MRPL13: variants seen among roughly 807,000 people sequenced by gnomAD.
The protein encoded by MRPL13 is large ribosomal subunit protein uL13m.
MRPL13 carries 33 observed loss-of-function variants against 29.0 expected under a neutral mutation model. That is an observed-to-expected ratio of 1.14 (90% CI 0.86 to 1.52). MRPL13 has a LOEUF of 1.52. Ranked by LOEUF, MRPL13 falls within the 40% of genes most tolerant of loss-of-function variation. The probability of loss-of-function intolerance (pLI) is 0.00; values close to 1 mark genes in which losing one functional copy is unlikely to be tolerated. For missense variants in MRPL13, 227 were observed against 216.7 expected, an observed-to-expected ratio of 1.05 and a Z score of -0.30; for synonymous variants, 77 against 68.4, an observed-to-expected ratio of 1.13 and a Z score of -0.62.
At chr8:120,433,916 C>G (rs1233345716) in intron 2 of MRPL13, among the ~76,000 whole-genome samples, 1 of 151,994 alleles carries the variant, frequency 6.6e-6, no homozygotes, top group African/African-American at 2.4e-5. Flanking sequence ...GTAAATAAAT[C>G]ATAGCTCTAG....
At chr8:120,406,894 TACA>T (rs1812674364) in intron 6 of MRPL13, among the ~76,000 whole-genome samples, 1 of 152,198 alleles carries the variant, frequency 6.6e-6, no homozygotes, top group African/African-American at 2.4e-5. Flanking sequence ...ACTGCCTTTA[TACA>T]AAGTAACTTT....
rs370236025 is a variant in MRPL13 at position 120,443,254 on chromosome 8, G to A, written c.82C>T (p.Pro28Ser). The change falls in exon 2 of 7, where the codon CCT becomes TCT. Residue 28 changes from proline to serine, a missense_variant. Pro to Ser is a moderately conservative substitution (Grantham distance 74). Coordinates refer to ENST00000306185, the MANE Select transcript of MRPL13 (RefSeq NM_014078.6). ...GATGCCATAGCAGCAAGTTTGCCAGGTGGCTGCATTTTCCCATCTAAGAGA... is the reference window on the plus strand; with the variant it reads ...GATGCCATAGCAGCAAGTTTGCCAGATGGCTGCATTTTCCCATCTAAGAGA... ...WYLLDGKMQP[P>S]GKLAAMASIR... 2.5e-6 allele frequency: 4 copies of A among 1,609,014 alleles called. No homozygotes were observed. Among genetic ancestry groups the A allele is most frequent in the Non-Finnish European group, 3.4e-6 (4 of 1,177,720 alleles).
intron 4 of MRPL13, among the ~76,000 whole-genome samples, chr8:120,420,741 C>G (rs1332304254): frequency 6.6e-6 from 1 of 151,658 alleles, no homozygotes; most frequent in African/African-American, 2.4e-5. Flanking sequence ...TTAAGACTAT[C>G]TTTTCTGGAT....
rs1812517867 is a variant in MRPL13, at chr8:120,395,955, A to T, written c.*149T>A. The T allele has an allele frequency of 3.3e-6, 2 of 600,224 alleles. No individual in the cohort carries two copies. The allele number at this position is 600,224 out of a possible 1,614,324, so 37.2% of individuals were successfully genotyped here. A position where few individuals can be genotyped will look rare whatever the true frequency, so the allele number is the denominator to read the frequency against. On this transcript the variant is annotated 3_prime_UTR_variant, in exon 7 of 7. Transcript: ENST00000306185. ...AATTACAATTTCCTATTGAAGGACT[A>T]TACCTTCCTGACCTTTCCCCACAGT... is the stretch of plus-strand genomic sequence containing the variant.
rs146400920 is a variant in MRPL13 at position 120,417,895 on chromosome 8, C to G, written c.393+1957G>C. On this transcript the variant is annotated intron_variant, in intron 5 of 6. Transcript: ENST00000306185. The stretch of plus-strand genomic sequence containing the variant: ...GCATGTGGAAAACAAGATTTGGGAA[C>G]TAGTTGTGCTCACTTCTACTGTTGC... Among the ~76,000 whole-genome samples, 612 of 152,210 alleles carry G rather than the reference C, an allele frequency of 4.0e-3. 4 individuals are homozygous for G. The highest frequency in any genetic ancestry group is 0.014 in the African/African-American group (585 of 41,546).
chr8:120,423,938 A>T (rs1268495006), intron 4 of MRPL13, among the ~76,000 whole-genome samples: 1 of 152,152 alleles, frequency 6.6e-6, no homozygotes, highest in Non-Finnish European at 1.5e-5. Flanking sequence ...AAAATCTTCT[A>T]AGGGCTTTCA....
intron 2 of MRPL13, among the ~76,000 whole-genome samples, chr8:120,435,808 A>G (rs1813048076): frequency 6.6e-6 from 1 of 152,102 alleles, no homozygotes; most frequent in Non-Finnish European, 1.5e-5. Context: ...TGACCTTTTA[A>G]TGATAGCCAT....
intron 4 of MRPL13, 104 bp downstream of exon 4, chr8:120,425,202 T>C (rs878983438): frequency 4.9e-6 from 4 of 810,560 alleles, no homozygotes; most frequent in Admixed American, 2.6e-5. Context: ...AGAATTTATA[T>C]CCTTGAATGC....
At chr8:120,437,334 G>A (rs1450279488) in intron 2 of MRPL13, among the ~76,000 whole-genome samples, 2 of 152,092 alleles carry the variant, frequency 1.3e-5, no homozygotes, top group Non-Finnish European at 2.9e-5. Context: ...AGCATTCATA[G>A]CATTAATTTT....
At chr8:120,407,151 C>T (rs547562140) in intron 6 of MRPL13, among the ~76,000 whole-genome samples, 2 of 152,234 alleles carry the variant, frequency 1.3e-5, no homozygotes, top group South Asian at 4.1e-4. Context: ...AAGCACATAT[C>T]AAAAAAGCAG....
chr8:120,434,629 A>AT (rs1271772057), intron 2 of MRPL13, among the ~76,000 whole-genome samples: 2 of 152,130 alleles, frequency 1.3e-5, no homozygotes, highest in Non-Finnish European at 2.9e-5. Flanking sequence ...CTTTTCTGCT[A>AT]AATTCTAAGA....
At chr8:120,431,305 C>A (rs1812992998) in intron 3 of MRPL13, among the ~76,000 whole-genome samples, 1 of 152,018 alleles carries the variant, frequency 6.6e-6, no homozygotes, top group African/African-American at 2.4e-5. Flanking sequence ...GTGCACATGA[C>A]CTGAAGCTAT....
intron 2 of MRPL13, among the ~76,000 whole-genome samples, chr8:120,440,108 A>C (rs1286326556): frequency 6.6e-6 from 1 of 152,222 alleles, no homozygotes; most frequent in Non-Finnish European, 1.5e-5. Context: ...GGTAGATAAT[A>C]AACAGATACT....
chr8:120,417,066 C>G (rs1474122326), intron 5 of MRPL13, among the ~76,000 whole-genome samples: 1 of 152,136 alleles, frequency 6.6e-6, no homozygotes, highest in Non-Finnish European at 1.5e-5. Context: ...TTTAATATTT[C>G]AAGAGTCCAG....
At position 120,435,195 on chromosome 8, in the gene MRPL13, G is replaced by C. The variant is rs142058457; in HGVS notation, c.152-3072C>G. Among the ~76,000 whole-genome samples the C allele has an allele frequency of 4.7e-3, 710 of 152,204 alleles. 10 individuals are homozygous for C. The highest frequency in any genetic ancestry group is 0.016 in the African/African-American group (653 of 41,556). ...TGATGTTGGGAATACAGCAATGAAT[G>C]TAACTGAAAAACCTCTATTTTTTTA... On this transcript the variant is annotated intron_variant, in intron 2 of 6. Coordinates refer to ENST00000306185, the MANE Select transcript of MRPL13 (RefSeq NM_014078.6).
chr8:120,411,621 T>C (rs549036857), intron 6 of MRPL13, among the ~76,000 whole-genome samples: 15 of 152,342 alleles, frequency 9.8e-5, no homozygotes, highest in African/African-American at 2.9e-4. Flanking sequence ...ATACCTATTT[T>C]ACTATTTTGA....
chr8:120,441,797 T>A (rs934466937), intron 2 of MRPL13, among the ~76,000 whole-genome samples: 3 of 152,192 alleles, frequency 2.0e-5, no homozygotes, highest in Non-Finnish European at 4.4e-5. Flanking sequence ...TCAATGGCAT[T>A]CTGGTTACAT....
chr8:120,395,968 C>T lies in MRPL13; in HGVS notation c.*136G>A. ...TATTGAAGGACTATACCTTCCTGAC[C>T]TTTCCCCACAGTGATTCGGCACATA... On this transcript the variant is annotated 3_prime_UTR_variant, in exon 7 of 7. Coordinates refer to ENST00000306185, the MANE Select transcript of MRPL13 (RefSeq NM_014078.6). The T allele has an allele frequency of 1.5e-6, 1 of 678,528 alleles. No homozygotes were observed. Among genetic ancestry groups the T allele is most frequent in the Non-Finnish European group, 2.5e-6 (1 of 399,602 alleles). 42.0% of individuals were successfully genotyped at this position (678,528 alleles called of 1,614,324 possible). A position where few individuals can be genotyped will look rare whatever the true frequency, so the allele number is the denominator to read the frequency against.
At chr8:120,407,937 TAA>T (rs1227817918) in intron 6 of MRPL13, among the ~76,000 whole-genome samples, 1 of 152,204 alleles carries the variant, frequency 6.6e-6, no homozygotes, top group Non-Finnish European at 1.5e-5. Flanking sequence ...TTAAAAGCGA[TAA>T]AAGGTCAGTT....
Sources: allele counts gnomAD v4.1 joint callset (sites outside exome capture counted in the v4.1 genomes callset), GRCh38; gene constraint gnomAD v4.1.1; transcripts MANE v1.5; gene names NCBI Gene and HGNC (gene_info 2026-07-23, HGNC 2026-07-21).